The following CSMD1 variants were observed in gnomAD, a reference collection of about 807,000 sequenced individuals.
The protein encoded by CSMD1 is CUB and sushi domain-containing protein 1.
In CSMD1, 213 loss-of-function variants were observed where a neutral mutation model predicts 417.5. The ratio of observed to expected loss-of-function variants is 0.51; its 90% CI spans 0.46 to 0.57. CSMD1 has a LOEUF of 0.57. Among genes scored for constraint, CSMD1 ranks in the 20% least tolerant of loss-of-function variants. The pLI, the probability that CSMD1 is intolerant of heterozygous loss-of-function variation, is 0.00. For missense variants in CSMD1, 6,923 were observed against 4,529.7 expected (o/e 1.53, Z -15.17); for synonymous variants, 2,862 against 1,736.8 (o/e 1.65, Z -16.11).
At chr8:4,462,407 T>C (rs745730998) in intron 2 of CSMD1, among the ~76,000 whole-genome samples, 3 of 152,114 alleles carry the variant, frequency 2.0e-5, no homozygotes, top group Non-Finnish European at 2.9e-5. Flanking sequence ...ATAGATAAGA[T>C]GGCAATACTC....
At chr8:3,783,938 C>G (rs1799314050) in intron 5 of CSMD1, among the ~76,000 whole-genome samples, 1 of 152,210 alleles carries the variant, frequency 6.6e-6, no homozygotes, top group South Asian at 2.1e-4. Context: ...TACCCCAGCT[C>G]TGCGATTTAC....
intron 5 of CSMD1, among the ~76,000 whole-genome samples, chr8:3,970,745 GTTTTTTGTTTTTTT>G (rs898383922): frequency 1.3e-5 from 2 of 151,922 alleles, no homozygotes; most frequent in Non-Finnish European, 2.9e-5. Context: ...ATGGCATCTT[GTTTTTTGTTTTTTT>G]GTTTTTGTTT....
At chr8:4,937,628 C>A (rs116086955) in intron 1 of CSMD1, among the ~76,000 whole-genome samples, 1 of 152,108 alleles carries the variant, frequency 6.6e-6, no homozygotes, top group Non-Finnish European at 1.5e-5. Context: ...GAGTATCTGA[C>A]GGAGGCATCA....
intron 37 of CSMD1, among the ~76,000 whole-genome samples, chr8:3,162,897 G>C (rs1424438973): frequency 1.3e-5 from 2 of 152,114 alleles, no homozygotes; most frequent in African/African-American, 4.8e-5. Flanking sequence ...GACACTCACA[G>C]ATTTTTTTAA....
chr8:4,153,813 C>CA (rs1391248117), intron 3 of CSMD1, among the ~76,000 whole-genome samples: 2 of 152,144 alleles, frequency 1.3e-5, no homozygotes, highest in East Asian at 1.9e-4. Flanking sequence ...GTGTCTGAAA[C>CA]AAAAAATGAC....
At chr8:4,061,018 C>T (rs1254384748) in intron 3 of CSMD1, among the ~76,000 whole-genome samples, 3 of 151,982 alleles carry the variant, frequency 2.0e-5, no homozygotes, top group African/African-American at 4.8e-5. Context: ...GAATTAATTT[C>T]ACAATACCCA....
chr8:3,720,620 T>TTCACACACACAC (rs72331833), intron 6 of CSMD1, among the ~76,000 whole-genome samples: 5,407 of 143,360 alleles, frequency 0.038, 123 homozygotes, highest in African/African-American at 0.054. Context: ...TCTTTATTCT[T>TTCACACACACAC]ACACACACAC....
At chr8:4,751,148 G>T (rs753619924) in intron 1 of CSMD1, among the ~76,000 whole-genome samples, 86 of 152,330 alleles carry the variant, frequency 5.6e-4, no homozygotes, top group African/African-American at 1.8e-3. Flanking sequence ...ACTTTGGGAG[G>T]CCGAGGTGGG....
intron 1 of CSMD1, among the ~76,000 whole-genome samples, chr8:4,849,564 C>T (rs891369486): frequency 6.6e-6 from 1 of 152,144 alleles, no homozygotes; most frequent in African/African-American, 2.4e-5. Context: ...GTACTCTATA[C>T]AGGTGTAGCA....
intron 1 of CSMD1, among the ~76,000 whole-genome samples, chr8:4,713,359 T>C (rs1238521247): frequency 6.7e-6 from 1 of 149,902 alleles, no homozygotes; most frequent in Non-Finnish European, 1.5e-5. Flanking sequence ...TATCTTTTTA[T>C]TAGTCAGCTT....
intron 2 of CSMD1, among the ~76,000 whole-genome samples, chr8:4,619,189 G>A (rs1427916367): frequency 6.6e-6 from 1 of 152,112 alleles, no homozygotes; most frequent in Non-Finnish European, 1.5e-5. Flanking sequence ...GTGGTGGGCA[G>A]AATGTCTACA....
chr8:4,218,537 T>A (rs1283766808), intron 3 of CSMD1, among the ~76,000 whole-genome samples: 1 of 152,218 alleles, frequency 6.6e-6, no homozygotes, highest in Non-Finnish European at 1.5e-5. Flanking sequence ...AAACTCACAT[T>A]TGAATTTGTT....
chr8:3,491,746 A>G lies in CSMD1; in HGVS notation c.1448+1877T>C, dbSNP rs1470856427. On this transcript the variant is annotated intron_variant, in intron 11 of 69. Transcript: ENST00000635120. ...ATAAATAAGGGGATAAGGTGAGTATAACAGACTGCATCTTTTTACTAGCAT... is the reference window on the plus strand; with the variant it reads ...ATAAATAAGGGGATAAGGTGAGTATGACAGACTGCATCTTTTTACTAGCAT... 2.6e-5 allele frequency among the ~76,000 whole-genome samples: 4 copies of G among 152,210 alleles called. No individual in the cohort carries two copies. The East Asian group carries it at 7.7e-4, about 29-fold the overall frequency.
At chr8:3,503,694 G>C (rs1796701783) in intron 10 of CSMD1, among the ~76,000 whole-genome samples, 1 of 152,184 alleles carries the variant, frequency 6.6e-6, no homozygotes, top group African/African-American at 2.4e-5. Context: ...TAAAGAAGCT[G>C]GATGTCCCCC....
At chr8:4,014,234 A>C (rs1447110556) in intron 4 of CSMD1, among the ~76,000 whole-genome samples, 1 of 152,218 alleles carries the variant, frequency 6.6e-6, no homozygotes, top group Non-Finnish European at 1.5e-5. Flanking sequence ...TAGGAAAAAA[A>C]TCTAACAGAA....
intron 10 of CSMD1, among the ~76,000 whole-genome samples, chr8:3,495,963 G>C (rs1796346930): frequency 6.6e-6 from 1 of 152,104 alleles, no homozygotes; most frequent in African/African-American, 2.4e-5. Flanking sequence ...TGGGACATAG[G>C]TAAACACGTG....
At chr8:4,813,778 G>A (rs10092360) in intron 1 of CSMD1, among the ~76,000 whole-genome samples, 2 of 152,310 alleles carry the variant, frequency 1.3e-5, no homozygotes, top group African/African-American at 4.8e-5. Context: ...TAATTTTACT[G>A]TTGCTTGAGA....
In CSMD1 at chr8:3,483,116, C is replaced by T. The variant is rs113344366; in HGVS notation, c.1448+10507G>A. Among the ~76,000 whole-genome samples the T allele has an allele frequency of 1.8e-3, 267 of 151,682 alleles. 4 individuals are homozygous for T. Among genetic ancestry groups the T allele is most frequent in the African/African-American group, 6.1e-3 (251 of 41,408 alleles). On this transcript the variant is annotated intron_variant, in intron 11 of 69. Transcript: ENST00000635120. ...CTCAAAGAAACTAGGAGGAAGAGTG[C>T]GATAGAGGTCTAAATTAATGAAATA...
At chr8:4,202,834 C>A (rs1015226023) in intron 3 of CSMD1, among the ~76,000 whole-genome samples, 4 of 152,162 alleles carry the variant, frequency 2.6e-5, no homozygotes, top group Admixed American at 1.3e-4. Context: ...GGCAGTGAAG[C>A]TGAAACTTGA....
Sources: allele counts gnomAD v4.1 joint callset (sites outside exome capture counted in the v4.1 genomes callset), GRCh38; gene constraint gnomAD v4.1.1; transcripts MANE v1.5; gene names NCBI Gene and HGNC (gene_info 2026-07-23, HGNC 2026-07-21).